ARHGAP6: variants seen among roughly 807,000 people sequenced by gnomAD.
The protein encoded by ARHGAP6 is rho GTPase-activating protein 6.
In ARHGAP6, 16 loss-of-function variants were observed where a neutral mutation model predicts 55.7. That is an observed-to-expected ratio of 0.29 (90% CI 0.19 to 0.44). ARHGAP6 has a LOEUF of 0.44. ARHGAP6 is among the 20% of genes least tolerant of loss of function. ARHGAP6 has a pLI of 1.00. For synonymous variants in ARHGAP6, 382 were observed against 360.9 expected, an observed-to-expected ratio of 1.06 and a Z score of -0.66; for missense variants, 698 against 808.9, an observed-to-expected ratio of 0.86 and a Z score of 1.66.
intron 2 of ARHGAP6, among the ~76,000 whole-genome samples, chrX:11,224,927 T>C (rs2047026123): frequency 9.0e-6 from 1 of 110,902 alleles, no homozygotes; most frequent in African/African-American, 3.3e-5. Context: ...CAACTCCAGT[T>C]TGACCATTGC....
At chrX:11,454,935 G>A (rs1249681472) in intron 1 of ARHGAP6, among the ~76,000 whole-genome samples, 1 of 111,969 alleles carries the variant, frequency 8.9e-6, no homozygotes, top group Non-Finnish European at 1.9e-5. Flanking sequence ...AATAGGAGCT[G>A]TTTGGCTTTA....
At chrX:11,519,073 T>C (rs1307162954) in intron 1 of ARHGAP6, among the ~76,000 whole-genome samples, 1 of 95,031 alleles carries the variant, frequency 1.1e-5, no homozygotes, top group Non-Finnish European at 2.1e-5. Flanking sequence ...TTTGCTATTG[T>C]GAATAATGCC....
At chrX:11,187,514 A>G (rs911367207) in intron 4 of ARHGAP6, among the ~76,000 whole-genome samples, 9 of 112,342 alleles carry the variant, frequency 8.0e-5, no homozygotes, top group Non-Finnish European at 1.7e-4. Context: ...AATTAGAAGA[A>G]CAATTCCATC....
rs2051807123 is a variant in ARHGAP6, at chrX:11,590,846, GAAAAGAAAAGAAAAGA to G, written c.588+73379_588+73394del. ...GAAAAGAAAAGAAAAGAAAAGAAAA[GAAAAGAAAAGAAAAGA>G]AAAGAAGGAAAGAAAGAAAGAAAGA... On this transcript the variant is annotated intron_variant, in intron 1 of 12. Coordinates refer to ENST00000337414, the MANE Select transcript of ARHGAP6 (RefSeq NM_013427.3). Among the ~76,000 whole-genome samples the G allele has an allele frequency of 1.1e-4, 4 of 36,436 alleles. 1 individual carries two copies. Among genetic ancestry groups the G allele is most frequent in the African/African-American group, 6.7e-4 (4 of 5,979 alleles). The allele number at this position is 36,436 out of a possible 115,157, so 31.6% of individuals were successfully genotyped here.
chrX:11,227,110 G>A (rs1443187811), intron 2 of ARHGAP6, among the ~76,000 whole-genome samples: 2 of 112,126 alleles, frequency 1.8e-5, no homozygotes, highest in Non-Finnish European at 3.8e-5. Context: ...TAACTGAGAT[G>A]TGTTAAATAA....
In ARHGAP6 at chrX:11,247,829, TC is replaced by T. The variant is rs769916277; in HGVS notation, c.748+6718del. The stretch of plus-strand genomic sequence containing the variant: ...TTCTTGACTATTTTTTACATTTGTT[TC>T]CTGGTTCTGTGACTAAGAGTTGGCC... On this transcript the variant is annotated intron_variant, in intron 2 of 12. Transcript: ENST00000337414. Among the ~76,000 whole-genome samples the T allele has an allele frequency of 4.0e-4, 45 of 112,027 alleles. No homozygotes were observed. In the South Asian group the frequency reaches 0.016, roughly 41 times the overall value.
Position 11,664,978 on chromosome X carries a change from C to T in ARHGAP6, c.-150G>A, listed in dbSNP as rs900480945. 1.6e-5 allele frequency: 8 copies of T among 512,435 alleles called. No individual in the cohort carries two copies. Among genetic ancestry groups the T allele is most frequent in the Non-Finnish European group, 2.4e-5 (8 of 336,473 alleles). 42.2% of individuals were successfully genotyped at this position (512,435 alleles called of 1,213,427 possible). ...GCAGTGGAGAGCAAAGCCCAGCTCA[C>T]GCGCCGCCGGTGCGCTCCAAGTGCC... On this transcript the variant is annotated 5_prime_UTR_variant, in exon 1 of 13. In the 5' UTR this introduces an upstream ATG that the reference lacks. Transcript: ENST00000337414.
intron 1 of ARHGAP6, among the ~76,000 whole-genome samples, chrX:11,562,653 A>C (rs915091732): frequency 5.4e-5 from 6 of 111,124 alleles, no homozygotes; most frequent in Non-Finnish European, 9.4e-5. Flanking sequence ...AAAAAAAAAA[A>C]AACTTCTTGC....
At chrX:11,384,074 T>G (rs1041240044) in intron 1 of ARHGAP6, among the ~76,000 whole-genome samples, 1 of 110,033 alleles carries the variant, frequency 9.1e-6, no homozygotes, top group African/African-American at 3.3e-5. Flanking sequence ...ATCTACAGGA[T>G]GGACAATGGG....
intron 1 of ARHGAP6, among the ~76,000 whole-genome samples, chrX:11,652,935 T>A (rs57216655): frequency 9.0e-6 from 1 of 111,251 alleles, no homozygotes; most frequent in Admixed American, 9.5e-5. Context: ...GCTAATGGAG[T>A]TTACATTTAG....
chrX:11,384,320 T>C (rs2049301115), intron 1 of ARHGAP6, among the ~76,000 whole-genome samples: 1 of 112,088 alleles, frequency 8.9e-6, no homozygotes, highest in Non-Finnish European at 1.9e-5. Flanking sequence ...CACTTTGTTG[T>C]TACCAAGAAG....
chrX:11,518,720 G>T (rs1375995671), intron 1 of ARHGAP6, among the ~76,000 whole-genome samples: 2 of 101,348 alleles, frequency 2.0e-5, no homozygotes, highest in African/African-American at 7.4e-5. Context: ...TGCCATGCTG[G>T]TGCGCTGCAC....
chrX:11,652,328 G>C (rs2052592561), intron 1 of ARHGAP6, among the ~76,000 whole-genome samples: 1 of 111,686 alleles, frequency 9.0e-6, no homozygotes, highest in Admixed American at 9.5e-5. Context: ...GGGTCCAGTT[G>C]CAATCTTCTG....
chrX:11,575,977 C>T (rs769154252), intron 1 of ARHGAP6, among the ~76,000 whole-genome samples: 13 of 112,202 alleles, frequency 1.2e-4, no homozygotes, highest in Non-Finnish European at 2.4e-4. Context: ...CTTCAACTTT[C>T]TTTCCGTATA....
At chrX:11,288,356 A>G (rs960592144) in intron 1 of ARHGAP6, among the ~76,000 whole-genome samples, 3 of 112,086 alleles carry the variant, frequency 2.7e-5, no homozygotes, top group Non-Finnish European at 5.6e-5. Context: ...CAACTTTATC[A>G]TCGTGGGGCA....
intron 1 of ARHGAP6, among the ~76,000 whole-genome samples, chrX:11,559,995 T>C (rs1325536735): frequency 9.3e-6 from 1 of 107,800 alleles, no homozygotes; most frequent in African/African-American, 3.4e-5. Flanking sequence ...AAAAGATAAA[T>C]CAACCGAACA....
intron 1 of ARHGAP6, among the ~76,000 whole-genome samples, chrX:11,516,367 C>A (rs1287063310): frequency 8.9e-6 from 1 of 111,887 alleles, no homozygotes; most frequent in African/African-American, 3.2e-5. Flanking sequence ...ACTTTTTCAT[C>A]TTCCTAAACT....
chrX:11,420,118 A>C (rs2049801759), intron 1 of ARHGAP6, among the ~76,000 whole-genome samples: 1 of 111,936 alleles, frequency 8.9e-6, no homozygotes, highest in Non-Finnish European at 1.9e-5. Context: ...GAATGAAAAA[A>C]TTTGGCTTAT....
At chrX:11,422,441 G>A (rs1404050030) in intron 1 of ARHGAP6, among the ~76,000 whole-genome samples, 1 of 111,548 alleles carries the variant, frequency 9.0e-6, no homozygotes, top group Non-Finnish European at 1.9e-5. Flanking sequence ...AGGAGCACTT[G>A]GAAGGTCAAG....
Sources: allele counts gnomAD v4.1 joint callset (sites outside exome capture counted in the v4.1 genomes callset), GRCh38; gene constraint gnomAD v4.1.1; transcripts MANE v1.5; gene names NCBI Gene and HGNC (gene_info 2026-07-23, HGNC 2026-07-21).